PRORP: variants seen among roughly 807,000 people sequenced by gnomAD.
PRORP encodes protein only RNase P catalytic subunit.
In PRORP, 51 loss-of-function variants were observed where a neutral mutation model predicts 59.4. That is an observed-to-expected ratio of 0.86 (90% CI 0.69 to 1.08). The LOEUF (loss-of-function observed/expected upper bound fraction) is 1.08, where lower values mean the gene tolerates loss of function less well. Ranked by LOEUF, PRORP falls within the 50% of genes least tolerant of loss-of-function variation. PRORP has a pLI of 0.00. For missense variants in PRORP, 646 were observed against 690.3 expected (o/e 0.94, Z 0.72); for synonymous variants, 231 against 245.6 (o/e 0.94, Z 0.55).
In PRORP at chr14:35,124,203, G is replaced by A. The variant is rs1175180518; in HGVS notation, c.958G>A (p.Ala320Thr). The A allele has an allele frequency of 6.4e-7, 1 of 1,568,058 alleles. No individual in the cohort carries two copies. Among genetic ancestry groups the A allele is most frequent in the Non-Finnish European group, 8.6e-7 (1 of 1,162,100 alleles). ...TCAGCTGTATCCAGGGGAGTCATTT[G>A]CACACAGTATAAAAACATGGTTTGA... ...NNQLYPGESF[A>T]HSIKTWFESV... Residue 320 changes from alanine to threonine, a missense_variant, in exon 2 of 8, where the codon GCA becomes ACA. By Grantham distance (58) the Ala-to-Thr change is moderately conservative. Transcript: ENST00000534898.
At chr14:35,240,077 A>C in intron 5 of PRORP, among the ~76,000 whole-genome samples, 1 of 150,552 alleles carries the variant, frequency 6.6e-6, no homozygotes, top group East Asian at 1.9e-4. Flanking sequence ...TCCATCTCAA[A>C]AAAAAAAAAA....
intron 5 of PRORP, among the ~76,000 whole-genome samples, chr14:35,238,545 T>TC (rs1171413585): frequency 6.6e-6 from 1 of 152,130 alleles, no homozygotes; most frequent in Non-Finnish European, 1.5e-5. Flanking sequence ...GACAGTGGAA[T>TC]CTAAAAAAGA....
chr14:35,272,405 G>C (rs919855075), intron 7 of PRORP, among the ~76,000 whole-genome samples: 2 of 152,192 alleles, frequency 1.3e-5, no homozygotes, highest in Admixed American at 1.3e-4. Context: ...CTGAGCCTAG[G>C]AGTTTAAGAC....
chr14:35,206,648 A>T (rs560391559), intron 5 of PRORP, among the ~76,000 whole-genome samples: 58 of 152,312 alleles, frequency 3.8e-4, no homozygotes, highest in African/African-American at 1.4e-3. Context: ...CAACATCATC[A>T]TATAGCAGAA....
At chr14:35,184,401 T>C (rs1302135154) in intron 5 of PRORP, among the ~76,000 whole-genome samples, 1 of 152,192 alleles carries the variant, frequency 6.6e-6, no homozygotes. Flanking sequence ...AGAGATTTAT[T>C]GGTGACTGTC....
chr14:35,222,208 A>T (rs1316254505), intron 5 of PRORP: 1 of 152,214 alleles, frequency 6.6e-6, no homozygotes, highest in Non-Finnish European at 1.5e-5. Context: ...AAAAGTAAGC[A>T]CCAGAGGCAT....
intron 5 of PRORP, chr14:35,222,561 GT>G (rs1044044946): frequency 6.6e-6 from 1 of 152,162 alleles, no homozygotes; most frequent in African/African-American, 2.4e-5. Context: ...GCATGTCCCA[GT>G]TTTAAGGTCC....
Position 35,186,244 on chromosome 14 carries a change from A to G in PRORP, c.1275+5467A>G, listed in dbSNP as rs116103354. Reference sequence around the variant, plus strand: ...TTAAGTTGCCTGCTGTGGCCTCCCAAAGTGTTGGGATTACAGGTATAAACC... The same window carrying G: ...TTAAGTTGCCTGCTGTGGCCTCCCAGAGTGTTGGGATTACAGGTATAAACC... On this transcript the variant is annotated intron_variant, in intron 5 of 7. Coordinates refer to ENST00000534898, the MANE Select transcript of PRORP (RefSeq NM_014672.4). 2.2e-3 allele frequency among the ~76,000 whole-genome samples: 332 copies of G among 151,240 alleles called. 2 individuals are homozygous for G. The highest frequency in any genetic ancestry group is 7.8e-3 in the African/African-American group (319 of 41,148).
chr14:35,169,884 A>G (rs758307517), intron 4 of PRORP, among the ~76,000 whole-genome samples: 4 of 152,190 alleles, frequency 2.6e-5, no homozygotes, highest in Non-Finnish European at 4.4e-5. Context: ...ACTGATTTTT[A>G]TCTACTTGTT....
rs190628317 is a variant in PRORP, at chr14:35,239,206, A to C, written c.1276-27521A>C. 2.3e-3 allele frequency among the ~76,000 whole-genome samples: 342 copies of C among 151,990 alleles called. 7 individuals are homozygous for C. The highest frequency in any genetic ancestry group is 2.6e-3 in the Non-Finnish European group (176 of 67,976). On this transcript the variant is annotated intron_variant, in intron 5 of 7. Transcript: ENST00000534898. ...CCCCGTCTCTACTAAAAATACAAAAAAATTAGCCAGGTGTGGTGGCAGGTG... is the reference window on the plus strand; with the variant it reads ...CCCCGTCTCTACTAAAAATACAAAACAATTAGCCAGGTGTGGTGGCAGGTG...
intron 5 of PRORP, among the ~76,000 whole-genome samples, chr14:35,233,297 C>T (rs2050129255): frequency 6.7e-6 from 1 of 150,118 alleles, no homozygotes; most frequent in Admixed American, 7.0e-5. Context: ...TTTTCTACAT[C>T]TCTCTTCCTA....
chr14:35,258,222 G>A (rs1435523654), intron 5 of PRORP, among the ~76,000 whole-genome samples: 1 of 152,098 alleles, frequency 6.6e-6, no homozygotes, highest in Non-Finnish European at 1.5e-5. Flanking sequence ...GAACTCCTGA[G>A]TTCAAGAGAT....
Position 35,220,029 on chromosome 14 carries a change from C to A in PRORP, c.1275+39252C>A, listed in dbSNP as rs1228449647. Among the ~76,000 whole-genome samples, 6 of 152,178 alleles carry A rather than the reference C, an allele frequency of 3.9e-5. No individual in the cohort carries two copies. In the East Asian group the frequency reaches 9.6e-4, roughly 24 times the overall value. On this transcript the variant is annotated intron_variant, in intron 5 of 7. Coordinates refer to ENST00000534898, the MANE Select transcript of PRORP (RefSeq NM_014672.4). ...TCTCAAAAGGTCATTGGATTTAATA[C>A]CCACATGGGTAGTCTAGGAGGATCT... is the stretch of plus-strand genomic sequence containing the variant.
At chr14:35,174,442 C>G (rs1209149682) in intron 4 of PRORP, among the ~76,000 whole-genome samples, 5 of 152,032 alleles carry the variant, frequency 3.3e-5, no homozygotes, top group Admixed American at 3.3e-4. Flanking sequence ...CTGCATCCTC[C>G]CACTAAGCTC....
chr14:35,124,253 G>A, intron 2 of PRORP, 22 bp downstream of exon 2: 3 of 1,465,144 alleles, frequency 2.0e-6, no homozygotes, highest in South Asian at 1.4e-5. Flanking sequence ...TTTTTTATAT[G>A]TATGTTTTTA....
chr14:35,217,514 AAAAG>A (rs2049635755), intron 5 of PRORP, among the ~76,000 whole-genome samples: 1 of 151,690 alleles, frequency 6.6e-6, no homozygotes, highest in Non-Finnish European at 1.5e-5. Flanking sequence ...AAAAAAAAAA[AAAAG>A]AAAAGAAACC....
chr14:35,266,407 A>G lies in PRORP; in HGVS notation c.1276-320A>G, dbSNP rs138829718. Among the ~76,000 whole-genome samples the G allele has an allele frequency of 4.7e-3, 714 of 152,164 alleles. 5 individuals are homozygous for G. The highest frequency in any genetic ancestry group is 8.0e-3 in the Non-Finnish European group (543 of 68,012). On this transcript the variant is annotated intron_variant, in intron 5 of 7. Transcript: ENST00000534898. ...TGAAGTGGGAGGATTGCTTGAGCCC[A>G]GGAATTCAAGGCTGCAGTGAGCTAT... is the stretch of plus-strand genomic sequence containing the variant.
chr14:35,226,605 T>C (rs1464568076), intron 5 of PRORP, among the ~76,000 whole-genome samples: 3 of 152,200 alleles, frequency 2.0e-5, no homozygotes, highest in Non-Finnish European at 2.9e-5. Context: ...GGGGGAGTAA[T>C]AAATATTGCC....
intron 4 of PRORP, among the ~76,000 whole-genome samples, chr14:35,132,177 A>C (rs540399305): frequency 5.1e-4 from 76 of 149,872 alleles, no homozygotes; most frequent in Non-Finnish European, 8.6e-4. Context: ...GGATTATTCA[A>C]CTGGGTGTGG....
Sources: allele counts gnomAD v4.1 joint callset (sites outside exome capture counted in the v4.1 genomes callset), GRCh38; gene constraint gnomAD v4.1.1; transcripts MANE v1.5; gene names NCBI Gene and HGNC (gene_info 2026-07-23, HGNC 2026-07-21).